The following UNC5D variants were observed in gnomAD, a reference collection of about 807,000 sequenced individuals.
The protein encoded by UNC5D is netrin receptor UNC5D.
In UNC5D, 39 loss-of-function variants were observed where a neutral mutation model predicts 105.4. That is an observed-to-expected ratio of 0.37 (90% CI 0.29 to 0.48). UNC5D has a LOEUF of 0.48. Ranked by LOEUF, UNC5D falls within the 20% of genes least tolerant of loss-of-function variation. The probability of loss-of-function intolerance (pLI) is 0.98; values close to 1 mark genes in which losing one functional copy is unlikely to be tolerated. For synonymous variants in UNC5D, 452 were observed against 450.4 expected, an observed-to-expected ratio of 1.00 and a Z score of -0.04; for missense variants, 991 against 1,202.4, an observed-to-expected ratio of 0.82 and a Z score of 2.60.
chr8:35,394,437 C>A (rs568573932), intron 1 of UNC5D, among the ~76,000 whole-genome samples: 1 of 151,916 alleles, frequency 6.6e-6, no homozygotes, highest in South Asian at 2.1e-4. Context: ...AAATAATATT[C>A]AAAAAACCAT....
At chr8:35,696,236 C>A (rs1023631181) in intron 7 of UNC5D, among the ~76,000 whole-genome samples, 2 of 151,210 alleles carry the variant, frequency 1.3e-5, no homozygotes, top group African/African-American at 4.9e-5. Context: ...TCCACATTCC[C>A]AGATTCCAAA....
intron 1 of UNC5D, among the ~76,000 whole-genome samples, chr8:35,344,566 T>C (rs1811671751): frequency 2.0e-5 from 3 of 152,066 alleles, no homozygotes; most frequent in Non-Finnish European, 4.4e-5. Flanking sequence ...ACATCCAGGA[T>C]AATGATGCAG....
chr8:35,684,535 AAAAAC>A, intron 5 of UNC5D, 42 bp from the exon 6 acceptor site: 1 of 1,591,002 alleles, frequency 6.3e-7, no homozygotes. Context: ...GGCAATCAGT[AAAAAC>A]CTCTCTCCTT....
At chr8:35,437,066 C>T (rs1807066605) in intron 1 of UNC5D, among the ~76,000 whole-genome samples, 1 of 151,892 alleles carries the variant, frequency 6.6e-6, no homozygotes, top group Non-Finnish European at 1.5e-5. Context: ...TCTCGAACCA[C>T]TGGGCATAAG....
At chr8:35,722,496 G>A in intron 9 of UNC5D, 101 bp downstream of exon 9, 1 of 1,425,608 alleles carries the variant, frequency 7.0e-7, no homozygotes. Flanking sequence ...GGTAGCTCTT[G>A]GCACTGGGAG....
chr8:35,738,959 T>C (rs969058529), intron 11 of UNC5D, among the ~76,000 whole-genome samples: 4 of 152,236 alleles, frequency 2.6e-5, no homozygotes, highest in Admixed American at 2.0e-4. Flanking sequence ...TGATGGTATA[T>C]ACCTATTTCT....
chr8:35,360,778 G>A (rs976352506), intron 1 of UNC5D, among the ~76,000 whole-genome samples: 48 of 152,186 alleles, frequency 3.2e-4, no homozygotes, highest in African/African-American at 1.1e-3. Flanking sequence ...ATGAATGTAT[G>A]TTCCAAGAAC....
At chr8:35,342,591 C>T (rs765330374) in intron 1 of UNC5D, among the ~76,000 whole-genome samples, 11 of 151,980 alleles carry the variant, frequency 7.2e-5, no homozygotes, top group Non-Finnish European at 1.6e-4. Flanking sequence ...TACTCAAGAC[C>T]TCTAGAGTGG....
chr8:35,463,595 A>G (rs1001364174), intron 1 of UNC5D, among the ~76,000 whole-genome samples: 3 of 151,458 alleles, frequency 2.0e-5, no homozygotes, highest in Admixed American at 6.6e-5. Flanking sequence ...ACATTTTTGA[A>G]CAAAGCAAGA....
At chr8:35,700,872 C>A (rs1336069173) in intron 7 of UNC5D, among the ~76,000 whole-genome samples, 1 of 151,986 alleles carries the variant, frequency 6.6e-6, no homozygotes, top group Non-Finnish European at 1.5e-5. Flanking sequence ...ATTATTGCAA[C>A]AAATAAGGAA....
At chr8:35,496,389 C>T (rs1049772218) in intron 1 of UNC5D, among the ~76,000 whole-genome samples, 2 of 152,112 alleles carry the variant, frequency 1.3e-5, no homozygotes, top group African/African-American at 2.4e-5. Flanking sequence ...GTATAGAGAA[C>T]AGTTTGTTGT....
intron 4 of UNC5D, among the ~76,000 whole-genome samples, chr8:35,599,896 C>T (rs1368607511): frequency 1.3e-5 from 2 of 152,170 alleles, no homozygotes; most frequent in African/African-American, 4.8e-5. Context: ...TGGTGTGCTG[C>T]ACCCATTAAC....
chr8:35,272,495 T>A (rs1997312), intron 1 of UNC5D, among the ~76,000 whole-genome samples: 2 of 151,966 alleles, frequency 1.3e-5, no homozygotes, highest in Admixed American at 6.6e-5. Flanking sequence ...ACAGTGGCTC[T>A]TTAGAGTGTT....
At chr8:35,345,828 A>G (rs1811771249) in intron 1 of UNC5D, among the ~76,000 whole-genome samples, 1 of 152,018 alleles carries the variant, frequency 6.6e-6, no homozygotes, top group South Asian at 2.1e-4. Context: ...TATGATTCCA[A>G]TACAGACCTG....
intron 1 of UNC5D, among the ~76,000 whole-genome samples, chr8:35,513,223 CTTT>C (rs35988823): frequency 2.2e-5 from 3 of 134,124 alleles, no homozygotes; most frequent in Admixed American, 7.6e-5. Context: ...TTGGACCCTC[CTTT>C]TTTTTTTTTT....
intron 1 of UNC5D, among the ~76,000 whole-genome samples, chr8:35,477,696 C>T (rs1563456215): frequency 6.6e-6 from 1 of 151,844 alleles, no homozygotes; most frequent in South Asian, 2.1e-4. Context: ...GTCTCGTGGC[C>T]CCTGAACTTA....
chr8:35,593,524 A>G (rs1819307389), intron 3 of UNC5D, among the ~76,000 whole-genome samples: 1 of 152,198 alleles, frequency 6.6e-6, no homozygotes, highest in African/African-American at 2.4e-5. Context: ...AGGCCAAGGC[A>G]GGAGGATCGG....
chr8:35,404,574 A>G, intron 1 of UNC5D, among the ~76,000 whole-genome samples: 1 of 152,164 alleles, frequency 6.6e-6, no homozygotes, highest in Admixed American at 6.5e-5. Flanking sequence ...CTCCACTTCA[A>G]CAAGATTTCC....
chr8:35,372,786 A>G (rs1416464626), intron 1 of UNC5D, among the ~76,000 whole-genome samples: 1 of 152,036 alleles, frequency 6.6e-6, no homozygotes, highest in Non-Finnish European at 1.5e-5. Flanking sequence ...AACACACTTT[A>G]GAGATGGAGT....
Sources: allele counts gnomAD v4.1 joint callset (sites outside exome capture counted in the v4.1 genomes callset), GRCh38; gene constraint gnomAD v4.1.1; transcripts MANE v1.5; gene names NCBI Gene and HGNC (gene_info 2026-07-23, HGNC 2026-07-21).